Variants in ADGRA3 observed in about 807,000 individuals in gnomAD.
ADGRA3 encodes the protein G-protein coupled receptor 125.
Under a neutral mutation model 119.8 loss-of-function variants are expected in ADGRA3, and 56 were observed. The ratio of observed to expected loss-of-function variants is 0.47; its 90% CI spans 0.38 to 0.58. ADGRA3 has a LOEUF of 0.58. Among genes scored for constraint, ADGRA3 ranks in the 20% least tolerant of loss-of-function variants. The pLI, the probability that ADGRA3 is intolerant of heterozygous loss-of-function variation, is 0.00. For synonymous variants in ADGRA3, 607 were observed against 623.8 expected (o/e 0.97, Z 0.40); for missense variants, 1,516 against 1,649.0 (o/e 0.92, Z 1.40).
chr4:22,480,025 T>C (rs1028431926), intron 1 of ADGRA3, among the ~76,000 whole-genome samples: 28 of 152,056 alleles, frequency 1.8e-4, no homozygotes, highest in African/African-American at 6.8e-4. Context: ...GGGAGAGCAT[T>C]AGGAGAAATA....
chr4:22,412,608 A>G (rs905051845), intron 14 of ADGRA3, among the ~76,000 whole-genome samples: 3 of 152,224 alleles, frequency 2.0e-5, no homozygotes, highest in Admixed American at 6.5e-5. Context: ...CAGATAAGAG[A>G]TAAGACTCAA....
At chr4:22,391,654 C>A (rs1330568937) in intron 17 of ADGRA3, among the ~76,000 whole-genome samples, 2 of 152,142 alleles carry the variant, frequency 1.3e-5, no homozygotes, top group Admixed American at 1.3e-4. Flanking sequence ...TGTCAGGCCA[C>A]TCCCTTAGTT....
intron 1 of ADGRA3, among the ~76,000 whole-genome samples, chr4:22,510,598 C>G (rs1719416418): frequency 6.6e-6 from 1 of 152,028 alleles, no homozygotes; most frequent in African/African-American, 2.4e-5. Context: ...CGGGCCGGGC[C>G]GATGGTTCCA....
At chr4:22,504,421 C>T (rs1268233235) in intron 1 of ADGRA3, among the ~76,000 whole-genome samples, 2 of 152,144 alleles carry the variant, frequency 1.3e-5, no homozygotes, top group Non-Finnish European at 2.9e-5. Context: ...TCGCGTCTCT[C>T]CAAGGTGCCT....
chr4:22,498,603 C>A (rs957520335), intron 1 of ADGRA3, among the ~76,000 whole-genome samples: 1 of 150,982 alleles, frequency 6.6e-6, no homozygotes, highest in Non-Finnish European at 1.5e-5. Context: ...AAGCAATGAG[C>A]CACACACCGT....
At chr4:22,500,295 C>T (rs1323869574) in intron 1 of ADGRA3, among the ~76,000 whole-genome samples, 1 of 152,138 alleles carries the variant, frequency 6.6e-6, no homozygotes, top group East Asian at 1.9e-4. Context: ...GCCCAGCAGC[C>T]TATGTGTAAC....
intron 8 of ADGRA3, among the ~76,000 whole-genome samples, chr4:22,437,299 A>G (rs1716434362): frequency 1.3e-5 from 2 of 152,194 alleles, no homozygotes; most frequent in Non-Finnish European, 2.9e-5. Flanking sequence ...TTTTAAAAAG[A>G]GCAATGGCAA....
Position 22,420,894 on chromosome 4 carries a change from C to T in ADGRA3, c.1801G>A (p.Ala601Thr), listed in dbSNP as rs1560307732. The T allele has an allele frequency of 1.9e-6, 3 of 1,613,588 alleles. No individual in the cohort carries two copies. Among genetic ancestry groups the T allele is most frequent in the Non-Finnish European group, 2.5e-6 (3 of 1,179,562 alleles). ...CNVSNTFSSL[A>T]LKNTIVEASI... is the part of the protein sequence containing the mutation. ...TGCAGAATGTAACATACCTTTAGTG[C>T]CAGACTCGAAAATGTATTTGAAACA... The change falls in exon 12 of 19, where the codon GCA becomes ACA. Residue 601 changes from alanine (A) to threonine (T), a missense_variant. Transcript: ENST00000334304.
chr4:22,428,889 A>C (rs1192325842), intron 10 of ADGRA3, among the ~76,000 whole-genome samples: 8 of 152,180 alleles, frequency 5.3e-5, no homozygotes. Flanking sequence ...CAAAGGTTAA[A>C]GCTCTGATTT....
At chr4:22,478,813 G>A (rs1312591714) in intron 1 of ADGRA3, among the ~76,000 whole-genome samples, 3 of 152,042 alleles carry the variant, frequency 2.0e-5, no homozygotes, top group Non-Finnish European at 4.4e-5. Context: ...AGAGACAGAA[G>A]TTTAAGAAAA....
chr4:22,418,569 T>A (rs1715521602), intron 12 of ADGRA3, among the ~76,000 whole-genome samples: 1 of 151,826 alleles, frequency 6.6e-6, no homozygotes, highest in Non-Finnish European at 1.5e-5. Flanking sequence ...TGTTGCTGGA[T>A]AAAAGGGAGA....
rs1715832497 is a variant in ADGRA3 at position 22,424,171 on chromosome 4, TATG to T, written c.1605+17_1605+19del. 8.2e-6 allele frequency: 13 copies of T among 1,590,818 alleles called. No homozygotes were observed. The highest frequency in any genetic ancestry group is 1.3e-5 in the African/African-American group (1 of 74,500). ...AAATGCACTTTTTTTCTCAGGAGTC[TATG>T]ATAATGTTACACTTACTGTTGAATA... On this transcript the variant is annotated intron_variant, in intron 11 of 18. Transcript: ENST00000334304.
rs113291762 is a variant in ADGRA3 at position 22,500,244 on chromosome 4, CATG to C, written c.257+15281_257+15283del. Among the ~76,000 whole-genome samples, 5 of 152,268 alleles carry C rather than the reference CATG, an allele frequency of 3.3e-5. 2 individuals carry two copies. Among genetic ancestry groups the C allele is most frequent in the African/African-American group, 1.2e-4 (5 of 41,562 alleles). ...AAGAAAGCACTTAAGGTGTCACTTT[CATG>C]AAAATAACAATAGTTAGAATTGAAG... On this transcript the variant is annotated intron_variant, in intron 1 of 18. Coordinates refer to ENST00000334304, the MANE Select transcript of ADGRA3 (RefSeq NM_145290.4).
chr4:22,402,563 T>C, intron 15 of ADGRA3, 112 bp downstream of exon 15: 1 of 1,068,902 alleles, frequency 9.4e-7, no homozygotes, highest in Non-Finnish European at 1.4e-6. Context: ...GTCATCATCC[T>C]TACTTTGGAA....
At chr4:22,501,048 C>T (rs1356148706) in intron 1 of ADGRA3, among the ~76,000 whole-genome samples, 1 of 152,186 alleles carries the variant, frequency 6.6e-6, no homozygotes, top group Non-Finnish European at 1.5e-5. Context: ...GATTCTCAGA[C>T]TCTCAGACCT....
In ADGRA3 at chr4:22,435,463, G is replaced by C; in HGVS notation, c.1291C>G (p.Pro431Ala). 6.3e-7 allele frequency: 1 copy of C among 1,580,874 alleles called. No homozygotes were observed. Among genetic ancestry groups the C allele is most frequent in the South Asian group, 1.1e-5 (1 of 87,948 alleles). ...TRVLYMFNQM[P>A]LNLTNAVATA... ...GCCACGGCATTGGTAAGATTGAGGG[G>C]CATCTACATTTCAAAGGCAAAAATG... Residue 431 changes from proline (P) to alanine (A), a missense_variant, in exon 10 of 19, where the codon CCC becomes GCC. By Grantham distance (27) the Pro-to-Ala change is conservative. Around this residue, in one of 2 missense-constraint regions of ADGRA3, gnomAD observed 1,088 missense variants for 1,107.1 expected, o/e 0.98. Coordinates refer to ENST00000334304, the MANE Select transcript of ADGRA3 (RefSeq NM_145290.4).
chr4:22,399,668 C>A (rs1380432802), intron 16 of ADGRA3, among the ~76,000 whole-genome samples: 1 of 152,142 alleles, frequency 6.6e-6, no homozygotes, highest in Non-Finnish European at 1.5e-5. Flanking sequence ...ACTCTCCATT[C>A]TATCCCATTG....
chr4:22,499,603 T>C (rs1377943678), intron 1 of ADGRA3, among the ~76,000 whole-genome samples: 4 of 152,170 alleles, frequency 2.6e-5, no homozygotes, highest in African/African-American at 4.8e-5. Context: ...CAAAAATGCA[T>C]CTACTCCCCC....
chr4:22,402,287 A>G (rs900541942), intron 15 of ADGRA3, among the ~76,000 whole-genome samples: 1 of 152,172 alleles, frequency 6.6e-6, no homozygotes, highest in African/African-American at 2.4e-5. Flanking sequence ...ATAATAGGCA[A>G]AAAGTCATAA....
Sources: gnomAD v4.1 joint callset for allele counts (sites outside exome capture counted in the v4.1 genomes callset) on GRCh38, gnomAD v4.1.1 for gene constraint, gnomAD v4.1.1 regional missense constraint, MANE v1.5 for transcripts, NCBI Gene and HGNC (gene_info 2026-07-23, HGNC 2026-07-21) for gene names.